SHROOM3: variants seen among roughly 807,000 people sequenced by gnomAD.
The protein encoded by SHROOM3 is protein Shroom3.
SHROOM3 carries 47 observed loss-of-function variants against 138.6 expected under a neutral mutation model. The observed-to-expected ratio is 0.34, with a 90% CI of 0.27 to 0.43. The LOEUF (loss-of-function observed/expected upper bound fraction) is 0.43, where lower values mean the gene tolerates loss of function less well. Among genes scored for constraint, SHROOM3 ranks in the 20% least tolerant of loss-of-function variants. The pLI, the probability that SHROOM3 is intolerant of heterozygous loss-of-function variation, is 1.00. For synonymous variants in SHROOM3, 1,062 were observed against 1,063.3 expected, an observed-to-expected ratio of 1.00 and a Z score of 0.02; for missense variants, 2,491 against 2,596.5, an observed-to-expected ratio of 0.96 and a Z score of 0.88.
intron 4 of SHROOM3, among the ~76,000 whole-genome samples, chr4:76,731,141 A>T (rs1382672481): frequency 6.6e-6 from 1 of 152,194 alleles, no homozygotes; most frequent in African/African-American, 2.4e-5. Flanking sequence ...CAACTTGAAG[A>T]TCAGAATTAT....
At chr4:76,515,315 G>T (rs1732422703) in intron 1 of SHROOM3, among the ~76,000 whole-genome samples, 1 of 151,892 alleles carries the variant, frequency 6.6e-6, no homozygotes, top group Admixed American at 6.6e-5. Flanking sequence ...GAGTCCAGGA[G>T]GTTGAGGCTA....
intron 5 of SHROOM3, among the ~76,000 whole-genome samples, chr4:76,742,457 C>T (rs1415071679): frequency 6.6e-6 from 1 of 152,032 alleles, no homozygotes; most frequent in African/African-American, 2.4e-5. Flanking sequence ...TTTCATTTAA[C>T]CCTCATGATA....
intron 2 of SHROOM3, among the ~76,000 whole-genome samples, chr4:76,644,067 C>T (rs1262828303): frequency 1.3e-5 from 2 of 152,044 alleles, no homozygotes; most frequent in African/African-American, 2.4e-5. Context: ...TGGTCTCAAA[C>T]TCCTGACCTC....
intron 2 of SHROOM3, among the ~76,000 whole-genome samples, chr4:76,705,623 T>G (rs753531489): frequency 1.3e-5 from 2 of 152,194 alleles, no homozygotes; most frequent in Non-Finnish European, 2.9e-5. Context: ...AATATGTGGG[T>G]GGCTGGCCTG....
At position 76,740,457 on chromosome 4, in the gene SHROOM3, G is replaced by GGCCC; in HGVS notation, c.2285_2288dup (p.Gly764ProfsTer46). On this transcript the variant is annotated frameshift_variant, in exon 5 of 11. Transcript: ENST00000296043. LOFTEE classifies it high-confidence loss of function. This position sits in a 1 kb window ranked among gnomAD's most constrained non-coding sequence, Gnocchi z 4.0. ...ATCCAGTCTGGGCCGGAGGGGGCCC[G>GGCCC]GCCCAGGCAGCGCCTCGGCTCTTCA... is the stretch of plus-strand genomic sequence containing the variant. The GGCCC allele has an allele frequency of 6.2e-7, 1 of 1,611,448 alleles. No individual in the cohort carries two copies. Among genetic ancestry groups the GGCCC allele is most frequent in the Non-Finnish European group, 8.5e-7 (1 of 1,178,538 alleles).
chr4:76,464,932 G>A (rs539994265), intron 1 of SHROOM3, among the ~76,000 whole-genome samples: 11 of 152,284 alleles, frequency 7.2e-5, no homozygotes, highest in African/African-American at 1.4e-4. Context: ...CCCAATCTCA[G>A]GTAGTTCTTT....
chr4:76,552,384 ATAGTCC>A (rs1733384750), intron 1 of SHROOM3, among the ~76,000 whole-genome samples: 1 of 150,810 alleles, frequency 6.6e-6, no homozygotes, highest in Non-Finnish European at 1.5e-5. Flanking sequence ...GCACACGCCT[ATAGTCC>A]TAGCTACTCA....
chr4:76,477,026 G>A (rs1015575310), intron 1 of SHROOM3, among the ~76,000 whole-genome samples: 8 of 152,080 alleles, frequency 5.3e-5, no homozygotes, highest in South Asian at 2.1e-4. Flanking sequence ...GGAGTGCAGC[G>A]GCCTCATCTC....
chr4:76,527,699 A>AT (rs549647125), intron 1 of SHROOM3, among the ~76,000 whole-genome samples: 3 of 152,268 alleles, frequency 2.0e-5, no homozygotes, highest in Admixed American at 2.0e-4. Context: ...GTAACTTGTC[A>AT]TTTTTTCTTT....
At chr4:76,777,127 T>G (rs1362829450) in intron 10 of SHROOM3, among the ~76,000 whole-genome samples, 1 of 152,198 alleles carries the variant, frequency 6.6e-6, no homozygotes, top group Non-Finnish European at 1.5e-5. Flanking sequence ...TTTCTAGTTC[T>G]GTGAAGAATG....
At chr4:76,638,571 G>C (rs1368395752) in intron 2 of SHROOM3, among the ~76,000 whole-genome samples, 1 of 152,132 alleles carries the variant, frequency 6.6e-6, no homozygotes, top group Non-Finnish European at 1.5e-5. Context: ...TTCTTTTTTA[G>C]TCAAAATATT....
chr4:76,512,366 T>C (rs1732355052), intron 1 of SHROOM3, among the ~76,000 whole-genome samples: 1 of 152,146 alleles, frequency 6.6e-6, no homozygotes, highest in Non-Finnish European at 1.5e-5. Flanking sequence ...ACAGAGCCTT[T>C]TTTTTTCAGA....
At chr4:76,574,524 C>A (rs1434058295) in intron 2 of SHROOM3, among the ~76,000 whole-genome samples, 1 of 152,108 alleles carries the variant, frequency 6.6e-6, no homozygotes, top group Non-Finnish European at 1.5e-5. Context: ...GCCTTTCTTA[C>A]CATTTTTCAT....
At chr4:76,765,162 C>G (rs1457866803) in intron 9 of SHROOM3, among the ~76,000 whole-genome samples, 1 of 150,682 alleles carries the variant, frequency 6.6e-6, no homozygotes, top group Non-Finnish European at 1.5e-5. Context: ...CTAAAATTTA[C>G]ATTTAAAAAA....
intron 1 of SHROOM3, among the ~76,000 whole-genome samples, chr4:76,438,210 C>T (rs1560506034): frequency 6.6e-6 from 1 of 152,172 alleles, no homozygotes; most frequent in African/African-American, 2.4e-5. Flanking sequence ...CAAAAGATGG[C>T]TCTATGATGT....
In SHROOM3 at chr4:76,630,561, G is replaced by A. The variant is rs1735286341; in HGVS notation, c.323+74798G>A. On this transcript the variant is annotated intron_variant, in intron 2 of 10. Coordinates refer to ENST00000296043, the MANE Select transcript of SHROOM3 (RefSeq NM_020859.4). ...TTCTGAGTTGCTCAGGCCAGGTTTTGGATAAATCAGGGGGTGACCATTGGA... is the reference window on the plus strand; with the variant it reads ...TTCTGAGTTGCTCAGGCCAGGTTTTAGATAAATCAGGGGGTGACCATTGGA... 2.0e-5 allele frequency among the ~76,000 whole-genome samples: 3 copies of A among 152,138 alleles called. No individual in the cohort carries two copies. The South Asian group carries it at 6.2e-4, about 32-fold the overall frequency.
intron 2 of SHROOM3, among the ~76,000 whole-genome samples, chr4:76,588,874 C>A (rs1734204379): frequency 6.7e-6 from 1 of 149,030 alleles, no homozygotes; most frequent in African/African-American, 2.5e-5. Flanking sequence ...CCCTAAAAGG[C>A]ATGTTTTTTA....
At chr4:76,547,599 G>T (rs546590161) in intron 1 of SHROOM3, among the ~76,000 whole-genome samples, 14 of 152,240 alleles carry the variant, frequency 9.2e-5, no homozygotes, top group African/African-American at 3.1e-4. Context: ...TGACATTCCA[G>T]TAGAGGACAG....
chr4:76,713,192 T>G (rs1397933468), intron 3 of SHROOM3, among the ~76,000 whole-genome samples: 2 of 152,238 alleles, frequency 1.3e-5, no homozygotes, highest in Non-Finnish European at 2.9e-5. Flanking sequence ...AACGTTAGCT[T>G]ACTGTAACTT....
Sources: gnomAD v4.1 joint callset for allele counts (sites outside exome capture counted in the v4.1 genomes callset) on GRCh38, gnomAD v4.1.1 for gene constraint, Gnocchi (gnomAD v3.1) non-coding constraint, MANE v1.5 for transcripts, NCBI Gene and HGNC (gene_info 2026-07-23, HGNC 2026-07-21) for gene names.